WDFY3: variants seen among roughly 807,000 people sequenced by gnomAD.
WDFY3 encodes the protein WD repeat and FYVE domain containing 3.
A neutral mutation model predicts 409.6 loss-of-function variants in WDFY3; 66 were observed. That is an observed-to-expected ratio of 0.16 (90% confidence interval 0.13 to 0.20). The LOEUF (loss-of-function observed/expected upper bound fraction) is 0.20, where lower values mean the gene tolerates loss of function less well. WDFY3 is among the 10% of genes least tolerant of loss of function. WDFY3 has a pLI of 1.00. For synonymous variants in WDFY3, 1,521 were observed against 1,537.1 expected (o/e 0.99, Z 0.25); for missense variants, 3,031 against 4,298.1 (o/e 0.71, Z 8.24).
intron 1 of WDFY3, among the ~76,000 whole-genome samples, chr4:84,940,467 T>TA (rs1312775913): frequency 1.3e-5 from 2 of 152,078 alleles, no homozygotes; most frequent in Non-Finnish European, 1.5e-5. Context: ...CTATATTTTT[T>TA]AAAAAAAGGT....
At chr4:84,906,788 T>A (rs957153258) in intron 2 of WDFY3, among the ~76,000 whole-genome samples, 4 of 150,680 alleles carry the variant, frequency 2.7e-5, no homozygotes, top group African/African-American at 9.9e-5. Flanking sequence ...TTTTTTTTTT[T>A]AGCTCATCAG....
chr4:84,774,769 C>T (rs767575638), intron 29 of WDFY3, 51 bp downstream of exon 29: 18 of 1,545,006 alleles, frequency 1.2e-5, no homozygotes, highest in Non-Finnish European at 1.6e-5. Context: ...ATCTTAACCT[C>T]ATTGGTACTT....
At chr4:84,867,859 C>T (rs1387376642) in intron 3 of WDFY3, among the ~76,000 whole-genome samples, 3 of 152,062 alleles carry the variant, frequency 2.0e-5, no homozygotes, top group Admixed American at 6.6e-5. Flanking sequence ...TGAAATCTTA[C>T]AGTTTCATCA....
rs955444286 is a variant in WDFY3, at chr4:84,805,970, C to T, written c.2429+2364G>A. On this transcript the variant is annotated intron_variant, in intron 15 of 67. Transcript: ENST00000295888. ...TATAAAGTCAGCTAGTTCATTTTCC[C>T]CCAATCCTTAAAATAATTAGAGAAG... Among the ~76,000 whole-genome samples, 3 of 152,076 alleles carry T rather than the reference C, an allele frequency of 2.0e-5. No individual in the cohort carries two copies. In the East Asian group the frequency reaches 5.8e-4, roughly 29 times the overall value.
intron 48 of WDFY3, among the ~76,000 whole-genome samples, chr4:84,717,474 C>G (rs936466195): frequency 7.2e-5 from 11 of 152,142 alleles, no homozygotes; most frequent in African/African-American, 2.7e-4. Flanking sequence ...TTGTTGTTGA[C>G]AGTAATTATT....
chr4:84,955,457 T>C (rs1774126759), intron 1 of WDFY3, among the ~76,000 whole-genome samples: 1 of 152,186 alleles, frequency 6.6e-6, no homozygotes, highest in South Asian at 2.1e-4. Context: ...AAGGCACAGA[T>C]CTGAATTTGT....
At chr4:84,761,734 A>G (rs971893465) in intron 32 of WDFY3, among the ~76,000 whole-genome samples, 4 of 152,232 alleles carry the variant, frequency 2.6e-5, no homozygotes, top group African/African-American at 9.6e-5. Flanking sequence ...GCTAATATCC[A>G]GAATCTACAA....
At chr4:84,846,899 G>A (rs1758141210) in intron 5 of WDFY3, among the ~76,000 whole-genome samples, 1 of 151,854 alleles carries the variant, frequency 6.6e-6, no homozygotes, top group Non-Finnish European at 1.5e-5. Flanking sequence ...AGGAATTGGT[G>A]GCACAATGCA....
At chr4:84,896,724 C>A (rs979650893) in intron 3 of WDFY3, among the ~76,000 whole-genome samples, 187 bp downstream of exon 3, 12 of 152,066 alleles carry the variant, frequency 7.9e-5, no homozygotes, top group African/African-American at 2.9e-4. Flanking sequence ...AGAAACAGTT[C>A]TCAAGATACA....
chr4:84,894,274 T>C (rs2150543126), intron 3 of WDFY3, among the ~76,000 whole-genome samples: 1 of 152,362 alleles, frequency 6.6e-6, no homozygotes, highest in African/African-American at 2.4e-5. Context: ...TACTCTGTTT[T>C]CTACTTTAAA....
chr4:84,817,601 A>C lies in WDFY3; in HGVS notation c.1694-16T>G. ...CGAAAAATTCCTTGAAGGAAGGAGA[A>C]AAAGTCCAACAATGGCTACTTTAAA... On this transcript the variant is annotated splice_polypyrimidine_tract_variant and intron_variant, in intron 12 of 67. Coordinates refer to ENST00000295888, the MANE Select transcript of WDFY3 (RefSeq NM_014991.6). 6.3e-7 allele frequency: 1 copy of C among 1,584,846 alleles called. No homozygotes were observed. Among genetic ancestry groups the C allele is most frequent in the East Asian group, 2.3e-5 (1 of 43,986 alleles).
chr4:84,698,728 C>T (rs537981250), intron 56 of WDFY3, among the ~76,000 whole-genome samples: 2 of 152,230 alleles, frequency 1.3e-5, no homozygotes, highest in Admixed American at 1.3e-4. Flanking sequence ...GAGTCTTGCT[C>T]TGTTGCCCAG....
chr4:84,930,682 C>T (rs893751087), intron 2 of WDFY3, among the ~76,000 whole-genome samples: 2 of 152,156 alleles, frequency 1.3e-5, no homozygotes, highest in Admixed American at 6.5e-5. Context: ...TCTTATTGCA[C>T]TGTACCATTT....
At chr4:84,848,256 G>GAA (rs199781695) in intron 5 of WDFY3, among the ~76,000 whole-genome samples, 1 of 137,676 alleles carries the variant, frequency 7.3e-6, no homozygotes. Context: ...AAAGCTTCTA[G>GAA]AAAAAAAAAA....
At chr4:84,680,197 A>T (rs1727122068) in intron 64 of WDFY3, among the ~76,000 whole-genome samples, 1 of 152,144 alleles carries the variant, frequency 6.6e-6, no homozygotes, top group South Asian at 2.1e-4. Context: ...CTATTTTTGG[A>T]TATTCTTTCT....
At chr4:84,896,116 T>C (rs914832415) in intron 3 of WDFY3, among the ~76,000 whole-genome samples, 1 of 151,312 alleles carries the variant, frequency 6.6e-6, no homozygotes, top group Admixed American at 6.6e-5. Context: ...ATTAGCTGGG[T>C]GTGGTGGTGG....
At chr4:84,927,567 C>A (rs1232654677) in intron 2 of WDFY3, among the ~76,000 whole-genome samples, 1 of 152,170 alleles carries the variant, frequency 6.6e-6, no homozygotes, top group Non-Finnish European at 1.5e-5. Context: ...GAATTGTAAT[C>A]CCCATAATCC....
intron 1 of WDFY3, among the ~76,000 whole-genome samples, chr4:84,961,036 G>A (rs1018379353): frequency 2.0e-5 from 3 of 151,974 alleles, no homozygotes; most frequent in Non-Finnish European, 2.9e-5. Flanking sequence ...CTAACATGGT[G>A]AAACCCTGTC....
chr4:84,678,657 TAC>T (rs1241670127), intron 65 of WDFY3, among the ~76,000 whole-genome samples: 9 of 152,232 alleles, frequency 5.9e-5, no homozygotes, highest in Non-Finnish European at 1.0e-4. Flanking sequence ...TGTGAATAAA[TAC>T]AGTTTCTAGT....
Sources: allele counts gnomAD v4.1 joint callset (sites outside exome capture counted in the v4.1 genomes callset), GRCh38; gene constraint gnomAD v4.1.1; transcripts MANE v1.5; gene names NCBI Gene and HGNC (gene_info 2026-07-23, HGNC 2026-07-21).